The following PHF6 variants were observed in gnomAD, a reference collection of about 807,000 sequenced individuals.
PHF6 encodes the protein PHD finger protein 6.
Under a neutral mutation model 34.0 loss-of-function variants are expected in PHF6, and 7 were observed. The observed-to-expected ratio is 0.21, with a 90% confidence interval of 0.12 to 0.39. The LOEUF is 0.39. PHF6 is among the 10% of genes least tolerant of loss of function. The pLI is 1.00. For missense variants in PHF6, 128 were observed against 262.8 expected, an observed-to-expected ratio of 0.49 and a Z score of 3.55; for synonymous variants, 89 against 88.4, an observed-to-expected ratio of 1.01 and a Z score of -0.04.
chrX:134,380,899 G>A (rs754281524), intron 3 of PHF6, among the ~76,000 whole-genome samples: 26 of 112,113 alleles, frequency 2.3e-4, no homozygotes, highest in African/African-American at 8.4e-4. Context: ...TGCCCAGGCT[G>A]GAGTGCAGTG....
intron 8 of PHF6, among the ~76,000 whole-genome samples, chrX:134,416,087 G>A (rs1335483137): frequency 2.7e-5 from 3 of 109,980 alleles, no homozygotes; most frequent in African/African-American, 9.9e-5. Context: ...AGTTTCCAAA[G>A]TAGCTGGGAT....
At chrX:134,415,314 A>G in intron 8 of PHF6, 194 bp downstream of exon 8, 1 of 659,912 alleles carries the variant, frequency 1.5e-6, no homozygotes, top group Non-Finnish European at 2.3e-6. Flanking sequence ...ATGTAACTTC[A>G]TTACTTTAAG....
At chrX:134,411,345 AGTT>A (rs1395348086) in intron 5 of PHF6, among the ~76,000 whole-genome samples, 1 of 111,356 alleles carries the variant, frequency 9.0e-6, no homozygotes, top group Non-Finnish European at 1.9e-5. Flanking sequence ...TTGATGTTAA[AGTT>A]GTTAAAAATT....
At chrX:134,384,914 G>A (rs1489914533) in intron 3 of PHF6, among the ~76,000 whole-genome samples, 2 of 111,598 alleles carry the variant, frequency 1.8e-5, no homozygotes, top group Non-Finnish European at 3.8e-5. Context: ...GCCTCCCAAA[G>A]TGCTGGGATT....
chrX:134,396,495 C>G (rs1445938540), intron 5 of PHF6, among the ~76,000 whole-genome samples: 1 of 111,148 alleles, frequency 9.0e-6, no homozygotes, highest in Non-Finnish European at 1.9e-5. Flanking sequence ...CTTTTCAAGA[C>G]AACTTTTCTT....
At position 134,394,360 on chromosome X, in the gene PHF6, T is replaced by C. The variant is rs374216296; in HGVS notation, c.418+408T>C. 1.4e-4 allele frequency among the ~76,000 whole-genome samples: 15 copies of C among 110,792 alleles called. No individual in the cohort carries two copies. The East Asian group carries it at 4.0e-3, about 29-fold the overall frequency. ...TGTTGGCCAGGCTGGTCTTGAACTC[T>C]TGACCTCGTGATCCACCTGCCTCAG... is the stretch of plus-strand genomic sequence containing the variant. On this transcript the variant is annotated intron_variant, in intron 5 of 10. Coordinates refer to ENST00000370803, the MANE Select transcript of PHF6 (RefSeq NM_001015877.2).
chrX:134,399,915 C>A (rs746871494), intron 5 of PHF6, among the ~76,000 whole-genome samples: 5 of 111,056 alleles, frequency 4.5e-5, no homozygotes, highest in Non-Finnish European at 7.5e-5. Flanking sequence ...CCTGAAAATC[C>A]CCTGTGCTCC....
At chrX:134,383,811 C>G (rs1259048281) in intron 3 of PHF6, among the ~76,000 whole-genome samples, 1 of 111,438 alleles carries the variant, frequency 9.0e-6, no homozygotes, top group East Asian at 2.8e-4. Flanking sequence ...AGCCAGAACT[C>G]CTAATCACCA....
chrX:134,374,569 T>A (rs184971471), intron 1 of PHF6, among the ~76,000 whole-genome samples: 1 of 112,534 alleles, frequency 8.9e-6, no homozygotes, highest in African/African-American at 3.2e-5. Context: ...GCGTGGAATG[T>A]TTTAATCTTC....
At chrX:134,406,066 CTT>C (rs769676398) in intron 5 of PHF6, among the ~76,000 whole-genome samples, 13 of 49,612 alleles carry the variant, frequency 2.6e-4, no homozygotes, top group Non-Finnish European at 3.9e-4. Flanking sequence ...TTTTCTTTTT[CTT>C]TCTTTCTTTC....
chrX:134,420,320 A>AAAG (rs2124256229), intron 9 of PHF6: 2 of 108,557 alleles, frequency 1.8e-5, no homozygotes, highest in East Asian at 5.8e-4. Context: ...AAAAAAAAAA[A>AAAG]AAAGAAATAA....
intron 5 of PHF6, among the ~76,000 whole-genome samples, chrX:134,404,351 A>G (rs780055503): frequency 8.0e-5 from 9 of 112,299 alleles, no homozygotes; most frequent in Non-Finnish European, 1.5e-4. Context: ...AACTAGAATT[A>G]GAAGTGGAGC....
intron 5 of PHF6, among the ~76,000 whole-genome samples, chrX:134,400,525 T>C: frequency 9.2e-6 from 1 of 108,627 alleles, no homozygotes; most frequent in East Asian, 2.9e-4. Flanking sequence ...ACAATTGGCC[T>C]GTGATAGAAG....
intron 7 of PHF6, 93 bp downstream of exon 7, chrX:134,414,059 T>TA (rs1365117937): frequency 5.1e-6 from 5 of 989,454 alleles, no homozygotes; most frequent in South Asian, 2.0e-5. Flanking sequence ...ATTTTTTTTT[T>TA]AAAAATCATT....
At chrX:134,400,938 G>A (rs184830634) in intron 5 of PHF6, among the ~76,000 whole-genome samples, 5 of 111,768 alleles carry the variant, frequency 4.5e-5, no homozygotes, top group African/African-American at 1.6e-4. Context: ...GTTTGAGCAA[G>A]ATAGGGAGGG....
intron 2 of PHF6, 28 bp from the exon 3 acceptor site, chrX:134,377,977 C>G: frequency 9.2e-7 from 1 of 1,086,885 alleles, no homozygotes; most frequent in Non-Finnish European, 1.3e-6. Context: ...ATATATGAAC[C>G]TTAATTTTTT....
At chrX:134,400,562 C>T (rs1395554397) in intron 5 of PHF6, among the ~76,000 whole-genome samples, 13 of 110,033 alleles carry the variant, frequency 1.2e-4, no homozygotes, top group Non-Finnish European at 2.1e-4. Flanking sequence ...TAAGAGGGAA[C>T]GAAGAGGATA....
intron 5 of PHF6, among the ~76,000 whole-genome samples, chrX:134,405,250 T>C (rs1230616402): frequency 8.9e-6 from 1 of 111,783 alleles, no homozygotes. Context: ...TCGCCCAGAC[T>C]GGAGTGCAGT....
chrX:134,389,012 G>A (rs760910242), intron 3 of PHF6, among the ~76,000 whole-genome samples: 1 of 111,413 alleles, frequency 9.0e-6, no homozygotes, highest in African/African-American at 3.2e-5. Flanking sequence ...CGATAGAGAC[G>A]CCATGCAAAT....
Sources: allele counts gnomAD v4.1 joint callset (sites outside exome capture counted in the v4.1 genomes callset), GRCh38; gene constraint gnomAD v4.1.1; transcripts MANE v1.5; gene names NCBI Gene and HGNC (gene_info 2026-07-23, HGNC 2026-07-21).